The following PRRC2B variants were observed in gnomAD, a reference collection of about 807,000 sequenced individuals.
The protein encoded by PRRC2B is proline rich coiled-coil 2B.
A neutral mutation model predicts 242.3 loss-of-function variants in PRRC2B; 68 were observed. The observed-to-expected ratio is 0.28, with a 90% CI of 0.23 to 0.34. The LOEUF (loss-of-function observed/expected upper bound fraction) is 0.34. PRRC2B is among the 10% of genes least tolerant of loss of function. PRRC2B has a pLI of 1.00. For missense variants in PRRC2B, 2,835 were observed against 2,954.8 expected (o/e 0.96, Z 0.94); for synonymous variants, 1,228 against 1,173.6 (o/e 1.05, Z -0.95).
chr9:131,463,031 A>G (rs1943288629), intron 11 of PRRC2B, among the ~76,000 whole-genome samples: 1 of 152,206 alleles, frequency 6.6e-6, no homozygotes, highest in South Asian at 2.1e-4. Context: ...CGTGAAGGCT[A>G]TGTGCAGTGG....
intron 1 of PRRC2B, among the ~76,000 whole-genome samples, chr9:131,379,497 A>G (rs1264080092): frequency 6.6e-6 from 1 of 152,118 alleles, no homozygotes; most frequent in Non-Finnish European, 1.5e-5. Flanking sequence ...AGTGGGTACA[A>G]AGTTGTATCT....
intron 28 of PRRC2B, chr9:131,490,403 A>T (rs1944154654): frequency 1.9e-6 from 1 of 516,462 alleles, no homozygotes; most frequent in Non-Finnish European, 3.9e-6. Context: ...TATAAATGGC[A>T]GCATCTTCCC....
chr9:131,467,147 C>G (rs1943420046), intron 12 of PRRC2B, among the ~76,000 whole-genome samples: 1 of 151,416 alleles, frequency 6.6e-6, no homozygotes, highest in Non-Finnish European at 1.5e-5. Context: ...GTTGGCGAGG[C>G]TGGTCTTGAA....
Position 131,417,095 on chromosome 9 carries a change from C to G in PRRC2B, c.-51-12999C>G, listed in dbSNP as rs1786910255. 2.0e-5 allele frequency among the ~76,000 whole-genome samples: 3 copies of G among 152,130 alleles called. No homozygotes were observed. In the South Asian group the frequency reaches 6.2e-4, roughly 32 times the overall value. On this transcript the variant is annotated intron_variant, in intron 1 of 31. Transcript: ENST00000683519. Reference sequence around the variant, plus strand: ...CTGCATGGACTCTTCAGAGTGGGTGCCTGGATGGGAGGCTGGCCTTTTCAT... The same window carrying G: ...CTGCATGGACTCTTCAGAGTGGGTGGCTGGATGGGAGGCTGGCCTTTTCAT...
At chr9:131,440,362 G>A (rs1441550489) in intron 5 of PRRC2B, among the ~76,000 whole-genome samples, 1 of 152,092 alleles carries the variant, frequency 6.6e-6, no homozygotes, top group Non-Finnish European at 1.5e-5. Context: ...ACAGGCTGGA[G>A]TGCAGTGGCA....
chr9:131,488,203 G>A (rs1944081172), intron 28 of PRRC2B, 107 bp downstream of exon 28: 1 of 1,438,738 alleles, frequency 7.0e-7, no homozygotes, highest in Non-Finnish European at 9.2e-7. Context: ...CGTGCTGTTG[G>A]TTGGTAGCCA....
At chr9:131,406,153 A>G (rs1291897172) in intron 1 of PRRC2B, among the ~76,000 whole-genome samples, 1 of 151,964 alleles carries the variant, frequency 6.6e-6, no homozygotes, top group Admixed American at 6.6e-5. Flanking sequence ...TTTGTTACCT[A>G]GGTGTTGGGG....
chr9:131,471,185 A>G (rs544801470), intron 14 of PRRC2B, among the ~76,000 whole-genome samples: 46 of 152,366 alleles, frequency 3.0e-4, no homozygotes, highest in Middle Eastern at 3.4e-3. Flanking sequence ...TGGGAAAGTC[A>G]TGAAGATCGT....
At chr9:131,437,913 C>G (rs1394118195) in intron 4 of PRRC2B, among the ~76,000 whole-genome samples, 1 of 152,134 alleles carries the variant, frequency 6.6e-6, no homozygotes, top group African/African-American at 2.4e-5. Flanking sequence ...TGCTCAGACC[C>G]CACCACTGGG....
chr9:131,415,385 T>TTAG (rs148187093), intron 1 of PRRC2B, among the ~76,000 whole-genome samples: 6,082 of 152,206 alleles, frequency 0.04, 375 homozygotes, highest in African/African-American at 0.13. Flanking sequence ...GAACCAGTCA[T>TTAG]TAGAACCGGA....
Position 131,494,653 on chromosome 9 carries a change from G to C in PRRC2B, c.6555+167G>C, listed in dbSNP as rs972799651. ...GAGCTGGGCCGCCCGCGTCCCTCCT[G>C]GCGAAGGCATTTCTCCTCTTGACGG... is the stretch of plus-strand genomic sequence containing the variant. On this transcript the variant is annotated intron_variant, in intron 31 of 31. Coordinates refer to ENST00000683519, the MANE Select transcript of PRRC2B (RefSeq NM_013318.4). This position sits in a 1 kb window ranked among gnomAD's most constrained non-coding sequence, Gnocchi z 4.3. Among the ~76,000 whole-genome samples, 1 of 152,210 alleles carries C rather than the reference G, an allele frequency of 6.6e-6. No homozygotes were observed. The highest frequency in any genetic ancestry group is 1.5e-5 in the Non-Finnish European group (1 of 68,030).
At chr9:131,447,914 G>T (rs543272699) in intron 9 of PRRC2B, 110 bp downstream of exon 9, 51 of 1,227,398 alleles carry the variant, frequency 4.2e-5, no homozygotes, top group Non-Finnish European at 5.1e-5. Flanking sequence ...GGCAAGATAG[G>T]GATGAAGAGC....
chr9:131,448,543 C>CAAAAAAAAAAAAAAAAAAAAAA lies in PRRC2B; in HGVS notation c.1120+745_1120+766dup, dbSNP rs754661321. Among the ~76,000 whole-genome samples, 210 of 39,882 alleles carry CAAAAAAAAAAAAAAAAAAAAAA rather than the reference C, an allele frequency of 5.3e-3. 70 individuals are homozygous for CAAAAAAAAAAAAAAAAAAAAAA. The highest frequency in any genetic ancestry group is 0.016 in the South Asian group (15 of 930). The allele number at this position is 39,882 out of a possible 152,430, so 26.2% of individuals were successfully genotyped here. On this transcript the variant is annotated intron_variant, in intron 9 of 31. Transcript: ENST00000683519. ...TGGGCGACAGAGGGAGACACTGTCT[C>CAAAAAAAAAAAAAAAAAAAAAA]AAAAAAAAAAAAAAAAAAAAAAAAA...
Position 131,483,028 on chromosome 9 carries a change from C to T in PRRC2B, c.5373+121C>T. ...AATAGAAGGATGGGAGCCAAGCAGT[C>T]TTCCAGCGGCTAGAGTGTTGGTGTG... On this transcript the variant is annotated intron_variant, in intron 22 of 31. Transcript: ENST00000683519. 4.3e-6 allele frequency: 5 copies of T among 1,156,994 alleles called. 1 individual carries two copies. The South Asian group carries it at 7.3e-5, about 17-fold the overall frequency. 71.7% of individuals were successfully genotyped at this position (1,156,994 alleles called of 1,614,324 possible).
intron 1 of PRRC2B, among the ~76,000 whole-genome samples, chr9:131,413,783 G>A (rs1837567952): frequency 6.6e-6 from 1 of 151,992 alleles, no homozygotes; most frequent in African/African-American, 2.4e-5. Context: ...GCGATTCTTC[G>A]GCCTCAGCCT....
intron 9 of PRRC2B, 51 bp from the exon 10 acceptor site, chr9:131,455,025 A>G: frequency 6.9e-7 from 1 of 1,453,794 alleles, no homozygotes; most frequent in South Asian, 1.2e-5. Flanking sequence ...TCCGGCCACC[A>G]CTGACTTTTT....
chr9:131,442,514 C>T (rs2131380768), intron 5 of PRRC2B, among the ~76,000 whole-genome samples: 2 of 152,298 alleles, frequency 1.3e-5, no homozygotes, highest in South Asian at 4.1e-4. Flanking sequence ...TCCAGTCTTA[C>T]CGTCAGGTTT....
At chr9:131,425,940 C>T (rs1837962911) in intron 1 of PRRC2B, among the ~76,000 whole-genome samples, 2 of 151,592 alleles carry the variant, frequency 1.3e-5, no homozygotes, top group Admixed American at 1.3e-4. Context: ...ACCTAGGAGG[C>T]AGAGGTTGCA....
intron 1 of PRRC2B, among the ~76,000 whole-genome samples, chr9:131,383,447 C>T (rs901745400): frequency 2.6e-5 from 4 of 152,030 alleles, no homozygotes; most frequent in African/African-American, 4.8e-5. Flanking sequence ...TACCCTTTCT[C>T]GGGAAGGAGG....
Sources: gnomAD v4.1 joint callset for allele counts (sites outside exome capture counted in the v4.1 genomes callset) on GRCh38, gnomAD v4.1.1 for gene constraint, Gnocchi (gnomAD v3.1) non-coding constraint, MANE v1.5 for transcripts, NCBI Gene and HGNC (gene_info 2026-07-23, HGNC 2026-07-21) for gene names.